RANGAP1: variants seen among roughly 807,000 people sequenced by gnomAD.
RANGAP1 encodes the protein Ran GTPase activating protein 1.
RANGAP1 carries 38 observed loss-of-function variants against 63.5 expected under a neutral mutation model. That is an observed-to-expected ratio of 0.60 (90% confidence interval 0.46 to 0.78). The LOEUF is 0.78. Ranked by LOEUF, RANGAP1 falls within the 30% of genes least tolerant of loss-of-function variation. RANGAP1 has a pLI of 0.00. For missense variants in RANGAP1, 630 were observed against 740.3 expected, an observed-to-expected ratio of 0.85 and a Z score of 1.73; for synonymous variants, 329 against 310.5, an observed-to-expected ratio of 1.06 and a Z score of -0.63.
In RANGAP1 at chr22:41,261,728, C is replaced by T. The variant is rs2034180574; in HGVS notation, c.481-148G>A. ...AGGACTGCTAACAGCTCAACAGTCA[C>T]ACCTTAAATATGTCCAGCACTTCAG... On this transcript the variant is annotated intron_variant, in intron 5 of 15. Coordinates refer to ENST00000356244, the MANE Select transcript of RANGAP1 (RefSeq NM_002883.4). The T allele has an allele frequency of 8.0e-6, 7 of 875,580 alleles. No individual in the cohort carries two copies. The South Asian group carries it at 1.2e-4, about 15-fold the overall frequency. 54.2% of individuals were successfully genotyped at this position (875,580 alleles called of 1,614,324 possible). A position where few individuals can be genotyped will look rare whatever the true frequency, so the allele number is the denominator to read the frequency against.
At chr22:41,286,738 A>G (rs918210046), upstream of RANGAP1, among the ~76,000 whole-genome samples, 1 of 152,350 alleles carries the variant, frequency 6.6e-6, no homozygotes, top group Admixed American at 6.5e-5. Context: ...CGCAGACACC[A>G]CTTGAACGGC....
upstream of RANGAP1, among the ~76,000 whole-genome samples, chr22:41,290,281 G>A (rs1004780965): frequency 2.1e-5 from 3 of 145,362 alleles, no homozygotes; most frequent in South Asian, 2.2e-4. Context: ...CCAGGCTGGA[G>A]TGCAATGGCA....
At chr22:41,269,739 CAAA>C (rs35959490) in intron 3 of RANGAP1, among the ~76,000 whole-genome samples, 5 of 93,066 alleles carry the variant, frequency 5.4e-5, no homozygotes, top group East Asian at 2.9e-4. Flanking sequence ...AAGACTCTCT[CAAA>C]AAAAAAAAAA....
rs1412467679 is a variant in RANGAP1 at position 41,256,052 on chromosome 22, A to G, written c.1042T>C (p.Phe348Leu). Residue 348 changes from phenylalanine to leucine, a missense_variant, in exon 10 of 16, where the codon TTC (phenylalanine) becomes CTC (leucine). Phe to Leu is a conservative substitution (Grantham distance 22). Transcript: ENST00000356244. ...CEQLQEVLEG[F>L]NMAKVLASLS... ...GACGCCAGCACCTTGGCCATGTTGA[A>G]GCCCTCCAGCACCTCCTGAAGCTGT... is the stretch of plus-strand genomic sequence containing the variant. 2.5e-6 allele frequency: 4 copies of G among 1,613,960 alleles called. No individual in the cohort carries two copies. In the East Asian group the frequency reaches 6.7e-5, roughly 27 times the overall value.
the RANGAP1 span, among the ~76,000 whole-genome samples, chr22:41,301,026 C>T: frequency 2.6e-5 from 4 of 152,120 alleles, no homozygotes; most frequent in African/African-American, 7.2e-5. Context: ...CTGCAGTGGT[C>T]CCTACACCCA....
rs1008975745 is a variant in RANGAP1 at position 41,246,684 on chromosome 22, G to C, written c.1695-12C>G. On this transcript the variant is annotated splice_polypyrimidine_tract_variant and intron_variant, in intron 15 of 15. Coordinates refer to ENST00000356244, the MANE Select transcript of RANGAP1 (RefSeq NM_002883.4). The stretch of plus-strand genomic sequence containing the variant: ...GGGCGCTGTTGGGCCTGCGGGGAAA[G>C]AGGGGTCAGCAGGTCGGTGGATGCC... 1.3e-6 allele frequency: 2 copies of C among 1,555,828 alleles called. No homozygotes were observed. The highest frequency in any genetic ancestry group is 1.7e-6 in the Non-Finnish European group (2 of 1,146,268).
chr22:41,251,216 C>T (rs1043275268), intron 12 of RANGAP1, 107 bp from the exon 13 acceptor site: 1 of 799,364 alleles, frequency 1.3e-6, no homozygotes, highest in African/African-American at 1.7e-5. Context: ...CCCTGGCGGG[C>T]AAGAACAGGT....
intron 3 of RANGAP1, among the ~76,000 whole-genome samples, chr22:41,273,993 G>A (rs982606229): frequency 5.9e-5 from 9 of 152,046 alleles, no homozygotes; most frequent in Non-Finnish European, 1.0e-4. Context: ...CAGGAGAATC[G>A]CTTGAACCCA....
chr22:41,266,791 C>G (rs1349682532), intron 4 of RANGAP1, among the ~76,000 whole-genome samples: 1 of 152,194 alleles, frequency 6.6e-6, no homozygotes, highest in Non-Finnish European at 1.5e-5. Context: ...GCACCGCCCC[C>G]CACCTTGGCC....
intron 2 of RANGAP1, among the ~76,000 whole-genome samples, chr22:41,279,687 A>G (rs1434696748): frequency 6.6e-6 from 1 of 151,634 alleles, no homozygotes; most frequent in Non-Finnish European, 1.5e-5. Context: ...CTGCAGTCCC[A>G]GCTATTTGGG....
At chr22:41,298,604 C>T in the RANGAP1 span, among the ~76,000 whole-genome samples, 1 of 150,014 alleles carries the variant, frequency 6.7e-6, no homozygotes, top group Non-Finnish European at 1.5e-5. Flanking sequence ...GGTGAGCCAC[C>T]ACGCCCGGCC....
chr22:41,296,907 G>A, the RANGAP1 span, among the ~76,000 whole-genome samples: 2 of 152,078 alleles, frequency 1.3e-5, no homozygotes, highest in Non-Finnish European at 2.9e-5. Flanking sequence ...AAATCCAAAG[G>A]CAGGGAAAAA....
At chr22:41,288,422 G>A (rs1984584), upstream of RANGAP1, among the ~76,000 whole-genome samples, 59,785 of 151,992 alleles carry the variant, frequency 0.39, 12,386 homozygotes, top group Non-Finnish European at 0.45. Context: ...TGTCATAGGT[G>A]CTTCAGGTTT....
chr22:41,291,849 C>T, the RANGAP1 span, among the ~76,000 whole-genome samples: 53,160 of 150,878 alleles, frequency 0.35, 9,904 homozygotes, highest in Admixed American at 0.52. Context: ...TGCAGTGAGC[C>T]GAGATCGCGC....
At chr22:41,283,462 T>C (rs1488577958) in intron 1 of RANGAP1, among the ~76,000 whole-genome samples, 1 of 151,990 alleles carries the variant, frequency 6.6e-6, no homozygotes, top group African/African-American at 2.4e-5. Flanking sequence ...TGAGCCAAGA[T>C]CGCGCCATTG....
chr22:41,281,615 T>C lies in RANGAP1; in HGVS notation c.-38-533A>G, dbSNP rs2035495222. On this transcript the variant is annotated intron_variant, in intron 1 of 15. Coordinates refer to ENST00000356244, the MANE Select transcript of RANGAP1 (RefSeq NM_002883.4). ...ACAGGGGTCAGCCCCACTGCACGTC[T>C]GGTTTCAACCGTGGCCGGGAGACTG... The C allele has an allele frequency of 3.0e-6, 3 of 986,904 alleles. No individual in the cohort carries two copies. The South Asian group carries it at 1.4e-4, about 46-fold the overall frequency. The allele number at this position is 986,904 out of a possible 1,614,324, so 61.1% of individuals were successfully genotyped here.
At chr22:41,274,764 G>A in intron 2 of RANGAP1, 37 bp from the exon 3 acceptor site, 1 of 1,611,136 alleles carries the variant, frequency 6.2e-7, no homozygotes, top group East Asian at 2.2e-5. Flanking sequence ...TAGGCTTTTG[G>A]AATCACAAAC....
the RANGAP1 span, among the ~76,000 whole-genome samples, chr22:41,299,896 C>A: frequency 1.3e-5 from 2 of 152,088 alleles, no homozygotes; most frequent in East Asian, 3.9e-4. Flanking sequence ...GGACTACAGG[C>A]TCCCGACACC....
chr22:41,249,907 C>T (rs974216200), intron 13 of RANGAP1, 90 bp from the exon 14 acceptor site: 4 of 1,156,038 alleles, frequency 3.5e-6, no homozygotes, highest in East Asian at 4.8e-5. Context: ...CGCGCAGACA[C>T]AGGCTCGCCT....
Sources: gnomAD v4.1 joint callset for allele counts (sites outside exome capture counted in the v4.1 genomes callset) on GRCh38, gnomAD v4.1.1 for gene constraint, MANE v1.5 for transcripts, NCBI Gene and HGNC (gene_info 2026-07-23, HGNC 2026-07-21) for gene names.